The following ASIC2 variants were observed in gnomAD, a reference collection of about 807,000 sequenced individuals.
The protein encoded by ASIC2 is acid sensing ion channel subunit 2.
ASIC2 carries 25 observed loss-of-function variants against 57.3 expected under a neutral mutation model. That is an observed-to-expected ratio of 0.44 (90% CI 0.32 to 0.61). The LOEUF (loss-of-function observed/expected upper bound fraction) is 0.61, where lower values mean the gene tolerates loss of function less well. ASIC2 is among the 20% of genes least tolerant of loss of function. ASIC2 has a pLI of 0.06. For missense variants in ASIC2, 641 were observed against 738.1 expected, an observed-to-expected ratio of 0.87 and a Z score of 1.52; for synonymous variants, 319 against 307.5, an observed-to-expected ratio of 1.04 and a Z score of -0.39.
intron 1 of ASIC2, among the ~76,000 whole-genome samples, chr17:33,701,984 G>A (rs545392316): frequency 6.6e-5 from 10 of 152,216 alleles, no homozygotes; most frequent in Admixed American, 1.3e-4. Context: ...AGCTGGTGGC[G>A]TTGAGCTCGG....
At chr17:33,620,264 C>T (rs1385244814) in intron 1 of ASIC2, among the ~76,000 whole-genome samples, 1 of 133,814 alleles carries the variant, frequency 7.5e-6, no homozygotes, top group Admixed American at 7.3e-5. Flanking sequence ...AAAAAAAACA[C>T]GTCCTGCATT....
At chr17:33,666,128 T>C (rs1270656592) in intron 1 of ASIC2, among the ~76,000 whole-genome samples, 1 of 152,188 alleles carries the variant, frequency 6.6e-6, no homozygotes, top group Non-Finnish European at 1.5e-5. Context: ...CATAACCAGA[T>C]TGTTCTTTCC....
intron 1 of ASIC2, among the ~76,000 whole-genome samples, chr17:34,058,621 T>C (rs1171798798): frequency 6.6e-6 from 1 of 152,216 alleles, no homozygotes; most frequent in Non-Finnish European, 1.5e-5. Flanking sequence ...TTTCTCCTCC[T>C]AGATCAACTG....
At chr17:33,546,540 G>A (rs1335652615) in intron 1 of ASIC2, among the ~76,000 whole-genome samples, 4 of 152,078 alleles carry the variant, frequency 2.6e-5, no homozygotes, top group Admixed American at 6.6e-5. Context: ...CTACCTATGC[G>A]ACCTTGGGCA....
chr17:33,374,072 T>G (rs1040026572), intron 1 of ASIC2, among the ~76,000 whole-genome samples: 6 of 151,614 alleles, frequency 4.0e-5, no homozygotes, highest in African/African-American at 7.2e-5. Flanking sequence ...CTTGGCTCGC[T>G]GCAACCACCA....
chr17:33,661,538 C>A (rs76873365), intron 1 of ASIC2, among the ~76,000 whole-genome samples: 6,255 of 152,288 alleles, frequency 0.041, 156 homozygotes, highest in Non-Finnish European at 0.066. Context: ...TGATTCTGGA[C>A]CTCGGTTTCC....
chr17:33,561,614 T>C (rs1916075562), intron 1 of ASIC2, among the ~76,000 whole-genome samples: 1 of 152,160 alleles, frequency 6.6e-6, no homozygotes, highest in Admixed American at 6.5e-5. Flanking sequence ...TAGAACACCA[T>C]CCATTTTCTT....
chr17:33,835,538 G>A (rs970938027), intron 1 of ASIC2, among the ~76,000 whole-genome samples: 2 of 152,102 alleles, frequency 1.3e-5, no homozygotes, highest in East Asian at 3.9e-4. Flanking sequence ...ATACCACTCT[G>A]ACTTGTTCTC....
intron 3 of ASIC2, among the ~76,000 whole-genome samples, chr17:33,084,982 T>A (rs571546565): frequency 6.6e-6 from 1 of 152,322 alleles, no homozygotes; most frequent in South Asian, 2.1e-4. Flanking sequence ...TGGAAAGGCG[T>A]GGTGTGTGTG....
chr17:33,509,190 G>T (rs1914356117), intron 1 of ASIC2, among the ~76,000 whole-genome samples: 1 of 152,132 alleles, frequency 6.6e-6, no homozygotes, highest in South Asian at 2.1e-4. Context: ...CGGAGGGAGG[G>T]CGGGACAGGA....
rs995511290 is a variant in ASIC2, at chr17:33,958,170, C to T, written c.555+197808G>A. Among the ~76,000 whole-genome samples, 3 of 152,240 alleles carry T rather than the reference C, an allele frequency of 2.0e-5. No homozygotes were observed. In the East Asian group the frequency reaches 5.8e-4, roughly 29 times the overall value. On this transcript the variant is annotated intron_variant, in intron 1 of 9. Transcript: ENST00000359872. ...GTGGCTTTGCAGGTACAGCTATCCTCCTGGCTGCTTTAATGGCTGGCATTG... is the reference window on the plus strand; with the variant it reads ...GTGGCTTTGCAGGTACAGCTATCCTTCTGGCTGCTTTAATGGCTGGCATTG...
intron 1 of ASIC2, among the ~76,000 whole-genome samples, chr17:33,476,550 T>G (rs978699334): frequency 2.6e-5 from 1 of 39,154 alleles, no homozygotes. Context: ...CAGGGGTGTG[T>G]GTGTGTGTGT....
At chr17:33,033,801 C>T (rs183772494) in intron 3 of ASIC2, among the ~76,000 whole-genome samples, 11 of 152,314 alleles carry the variant, frequency 7.2e-5, no homozygotes, top group Non-Finnish European at 1.6e-4. Context: ...GTGCCCCTTC[C>T]AGGCCCACCC....
At chr17:33,943,692 TAAAAAAAA>T (rs3071252) in intron 1 of ASIC2, among the ~76,000 whole-genome samples, 168 of 119,800 alleles carry the variant, frequency 1.4e-3, no homozygotes, top group African/African-American at 4.8e-3. Context: ...ATGATAATAG[TAAAAAAAA>T]AAAAAAAAAA....
Position 33,256,778 on chromosome 17 carries a change from G to A in ASIC2, c.708+34630C>T, listed in dbSNP as rs139448903. Reference sequence around the variant, plus strand: ...ACCTGGGAGGCAGAGGTTGCAGTGAGCCAAGATTGTGCCACTGCACTCCAG... The same window carrying A: ...ACCTGGGAGGCAGAGGTTGCAGTGAACCAAGATTGTGCCACTGCACTCCAG... On this transcript the variant is annotated intron_variant, in intron 1 of 9. Coordinates refer to ENST00000225823, the MANE Select transcript of ASIC2 (RefSeq NM_183377.2). Among the ~76,000 whole-genome samples, 635 of 152,298 alleles carry A rather than the reference G, an allele frequency of 4.2e-3. 7 individuals are homozygous for A. Among genetic ancestry groups the A allele is most frequent in the African/African-American group, 0.014 (597 of 41,564 alleles).
chr17:33,032,512 G>C (rs1035882056), intron 3 of ASIC2, among the ~76,000 whole-genome samples: 7 of 141,134 alleles, frequency 5.0e-5, no homozygotes, highest in African/African-American at 1.9e-4. Context: ...GCAGTGGTGC[G>C]ATCTCTGCTC....
chr17:33,740,154 A>G (rs925129224), intron 1 of ASIC2, among the ~76,000 whole-genome samples: 2 of 152,246 alleles, frequency 1.3e-5, no homozygotes, highest in African/African-American at 2.4e-5. Context: ...TAGAATAAGT[A>G]GAGACAGGAG....
chr17:33,391,076 TCTC>T (rs1360869113), intron 1 of ASIC2, among the ~76,000 whole-genome samples: 2 of 152,188 alleles, frequency 1.3e-5, no homozygotes, highest in Non-Finnish European at 2.9e-5. Context: ...TCCTTAATCT[TCTC>T]CTAACAATGT....
At chr17:33,244,158 G>A (rs1046342956) in intron 1 of ASIC2, among the ~76,000 whole-genome samples, 2 of 152,332 alleles carry the variant, frequency 1.3e-5, no homozygotes, top group East Asian at 3.9e-4. Flanking sequence ...GCCTAAGGAA[G>A]TGTAGGGACA....
Sources: gnomAD v4.1 joint callset for allele counts (sites outside exome capture counted in the v4.1 genomes callset) on GRCh38, gnomAD v4.1.1 for gene constraint, MANE v1.5 for transcripts, NCBI Gene and HGNC (gene_info 2026-07-23, HGNC 2026-07-21) for gene names.